The following MRPL35 variants were observed in gnomAD, a reference collection of about 807,000 sequenced individuals.
MRPL35 encodes mitochondrial ribosomal protein L35.
A neutral mutation model predicts 21.6 loss-of-function variants in MRPL35; 18 were observed. The observed-to-expected ratio is 0.83, with a 90% CI of 0.58 to 1.24. The LOEUF is 1.24. MRPL35 is among the 50% of genes most tolerant of loss of function. MRPL35 has a pLI of 0.00. For synonymous variants in MRPL35, 87 were observed against 86.9 expected, an observed-to-expected ratio of 1.00 and a Z score of -0.01; for missense variants, 223 against 223.2, an observed-to-expected ratio of 1.00 and a Z score of 0.01.
Position 86,211,173 on chromosome 2 carries a change from G to C in MRPL35, c.*505G>C, listed in dbSNP as rs1216128421. 9 of 984,574 alleles carry C rather than the reference G, an allele frequency of 9.1e-6. No individual in the cohort carries two copies. The highest frequency in any genetic ancestry group is 1.1e-5 in the Non-Finnish European group (9 of 829,224). 61.0% of individuals were successfully genotyped at this position (984,574 alleles called of 1,614,324 possible). A position where few individuals can be genotyped will look rare whatever the true frequency, so the allele number is the denominator to read the frequency against. On this transcript the variant is annotated 3_prime_UTR_variant, in exon 4 of 4. Transcript: ENST00000337109. ...GCATGCATGTGACTTGCTTCTTTTTGCATTGTTAACTCCATTCTCTCTATT... is the reference window on the plus strand; with the variant it reads ...GCATGCATGTGACTTGCTTCTTTTTCCATTGTTAACTCCATTCTCTCTATT...
chr2:86,203,423 G>T (rs1673731092), intron 1 of MRPL35, among the ~76,000 whole-genome samples: 1 of 152,142 alleles, frequency 6.6e-6, no homozygotes, highest in Non-Finnish European at 1.5e-5. Context: ...CACGTGATCG[G>T]TGGCAGTCAA....
At chr2:86,204,053 C>T (rs1421614941) in intron 1 of MRPL35, among the ~76,000 whole-genome samples, 2 of 151,632 alleles carry the variant, frequency 1.3e-5, no homozygotes, top group African/African-American at 2.4e-5. Flanking sequence ...GTTGCAGTCT[C>T]GGCTCACTGC....
chr2:86,211,861 T>C lies in MRPL35; in HGVS notation c.*1193T>C. On this transcript the variant is annotated 3_prime_UTR_variant, in exon 4 of 4. Transcript: ENST00000337109. ...GATTTCATGTTTTCATTTGTAAGGA[T>C]AAACTTTTCCCACAAATTTTCAACA... 3 of 985,574 alleles carry C rather than the reference T, an allele frequency of 3.0e-6. No individual in the cohort carries two copies. The South Asian group carries it at 1.4e-4, about 46-fold the overall frequency. The allele number at this position is 985,574 out of a possible 1,614,324, so 61.1% of individuals were successfully genotyped here.
intron 2 of MRPL35, 36 bp from the exon 3 acceptor site, chr2:86,207,147 T>G (rs147307303): frequency 6.5e-7 from 1 of 1,538,748 alleles, no homozygotes. Context: ...TTAATCAGTC[T>G]GATTACAAGC....
At chr2:86,204,387 G>A (rs1371673530) in intron 1 of MRPL35, among the ~76,000 whole-genome samples, 2 of 145,526 alleles carry the variant, frequency 1.4e-5, no homozygotes, top group South Asian at 2.2e-4. Flanking sequence ...TTAGCAAGCT[G>A]TACAACCATT....
intron 1 of MRPL35, among the ~76,000 whole-genome samples, chr2:86,203,272 C>T (rs551282281): frequency 3.3e-5 from 5 of 151,842 alleles, no homozygotes; most frequent in South Asian, 4.2e-4. Context: ...TTAGTAGAGA[C>T]GGGGTTTCAC....
Position 86,212,279 on chromosome 2 carries a change from G to C in MRPL35, c.*1611G>C, listed in dbSNP as rs1673919203. On this transcript the variant is annotated 3_prime_UTR_variant, in exon 4 of 4. Coordinates refer to ENST00000337109, the MANE Select transcript of MRPL35 (RefSeq NM_016622.4). ...ATTAAAAGGAGAAAGGATAACAATAGAATGTTCTAAAACCAGAAGTCCAAG... is the reference window on the plus strand; with the variant it reads ...ATTAAAAGGAGAAAGGATAACAATACAATGTTCTAAAACCAGAAGTCCAAG... 1.4e-6 allele frequency: 2 copies of C among 1,468,060 alleles called. No homozygotes were observed. The highest frequency in any genetic ancestry group is 1.8e-6 in the Non-Finnish European group (2 of 1,106,030). 90.9% of individuals were successfully genotyped at this position (1,468,060 alleles called of 1,614,324 possible).
intron 1 of MRPL35, among the ~76,000 whole-genome samples, chr2:86,204,418 C>CTTTTTTTTTTT (rs773735586): frequency 8.9e-6 from 1 of 112,724 alleles, no homozygotes; most frequent in African/African-American, 3.1e-5. Flanking sequence ...AGCTTTAGGA[C>CTTTTTTTTTTT]TTTTTTTTTT....
At chr2:86,200,779 A>C (rs749986146) in intron 1 of MRPL35, among the ~76,000 whole-genome samples, 3 of 151,918 alleles carry the variant, frequency 2.0e-5, no homozygotes, top group Non-Finnish European at 2.9e-5. Context: ...CCCAGGTTTA[A>C]GTGATTCCCT....
chr2:86,202,648 C>A (rs1287156226), intron 1 of MRPL35, among the ~76,000 whole-genome samples: 1 of 152,132 alleles, frequency 6.6e-6, no homozygotes, highest in East Asian at 1.9e-4. Flanking sequence ...GCTCTCTCAT[C>A]AGTTTTCTGC....
rs1673954592 is a variant in MRPL35, at chr2:86,213,495, A to G, written c.*2827A>G. 1.5e-6 allele frequency: 2 copies of G among 1,373,056 alleles called. No homozygotes were observed. Among genetic ancestry groups the G allele is most frequent in the African/African-American group, 3.0e-5 (2 of 66,594 alleles). The allele number at this position is 1,373,056 out of a possible 1,614,324, so 85.1% of individuals were successfully genotyped here. ...GAAATTGGGTCTGTGTTTAATTTTG[A>G]TGTTTCAAATTTTGAGCTTCCAAGT... On this transcript the variant is annotated 3_prime_UTR_variant, in exon 4 of 4. Transcript: ENST00000337109.
At chr2:86,199,755 T>A (rs1405598793) in intron 1 of MRPL35, among the ~76,000 whole-genome samples, 8 of 152,210 alleles carry the variant, frequency 5.3e-5, no homozygotes, top group Non-Finnish European at 1.0e-4. Context: ...GCCGCTTCCT[T>A]ACCAGCTTTT....
intron 3 of MRPL35, among the ~76,000 whole-genome samples, chr2:86,207,599 A>C (rs541757537): frequency 6.6e-6 from 1 of 152,206 alleles, no homozygotes; most frequent in Non-Finnish European, 1.5e-5. Flanking sequence ...GAACCACTGC[A>C]CTCCAGCCTG....
chr2:86,213,055 G>T lies in MRPL35; in HGVS notation c.*2387G>T. On this transcript the variant is annotated 3_prime_UTR_variant, in exon 4 of 4. Coordinates refer to ENST00000337109, the MANE Select transcript of MRPL35 (RefSeq NM_016622.4). Reference sequence around the variant, plus strand: ...ATTTAGATTTGAGGAAACTGAAGCTGAGAGAGGGTTAAGTAAATTACCCAA... The same window carrying T: ...ATTTAGATTTGAGGAAACTGAAGCTTAGAGAGGGTTAAGTAAATTACCCAA... 1.1e-6 allele frequency: 1 copy of T among 933,426 alleles called. No individual in the cohort carries two copies. The highest frequency in any genetic ancestry group is 5.0e-5 in the South Asian group (1 of 20,186). 57.8% of individuals were successfully genotyped at this position (933,426 alleles called of 1,614,324 possible). A position where few individuals can be genotyped will look rare whatever the true frequency, so the allele number is the denominator to read the frequency against.
rs1306262234 is a variant in MRPL35, at chr2:86,213,751, G to T, written c.*3083G>T. 7.0e-6 allele frequency: 10 copies of T among 1,420,518 alleles called. No individual in the cohort carries two copies. In the Admixed American group the frequency reaches 1.9e-4, roughly 27 times the overall value. 88.0% of individuals were successfully genotyped at this position (1,420,518 alleles called of 1,614,324 possible). On this transcript the variant is annotated 3_prime_UTR_variant, in exon 4 of 4. Transcript: ENST00000337109. ...TTTTCACAGCTACCTAGTTTCTGCC[G>T]ATGATTTTTTTAAATGTGAAATAAA...
In MRPL35 at chr2:86,210,776, G is replaced by T; in HGVS notation, c.*108G>T. The T allele has an allele frequency of 7.1e-7, 1 of 1,411,730 alleles. No individual in the cohort carries two copies. Among genetic ancestry groups the T allele is most frequent in the Non-Finnish European group, 9.3e-7 (1 of 1,076,736 alleles). 87.5% of individuals were successfully genotyped at this position (1,411,730 alleles called of 1,614,324 possible). A position where few individuals can be genotyped will look rare whatever the true frequency, so the allele number is the denominator to read the frequency against. On this transcript the variant is annotated 3_prime_UTR_variant, in exon 4 of 4. Coordinates refer to ENST00000337109, the MANE Select transcript of MRPL35 (RefSeq NM_016622.4). ...TGATGTAAATTGTACCAATGAATAC[G>T]TAAACATACAGTGACAACATTAAAC...
At chr2:86,208,356 G>A (rs188466852) in intron 3 of MRPL35, among the ~76,000 whole-genome samples, 31 of 151,530 alleles carry the variant, frequency 2.0e-4, no homozygotes, top group African/African-American at 7.3e-4. Flanking sequence ...GCCCAGGCTA[G>A]AGTGCAGTGG....
rs1045958724 is a variant in MRPL35, at chr2:86,212,274, C to A, written c.*1606C>A. 127 of 1,456,922 alleles carry A rather than the reference C, an allele frequency of 8.7e-5. No individual in the cohort carries two copies. Among genetic ancestry groups the A allele is most frequent in the Non-Finnish European group, 1.1e-4 (123 of 1,100,576 alleles). 90.2% of individuals were successfully genotyped at this position (1,456,922 alleles called of 1,614,324 possible). On this transcript the variant is annotated 3_prime_UTR_variant, in exon 4 of 4. Coordinates refer to ENST00000337109, the MANE Select transcript of MRPL35 (RefSeq NM_016622.4). ...TGTTTATTAAAAGGAGAAAGGATAA[C>A]AATAGAATGTTCTAAAACCAGAAGT...
intron 1 of MRPL35, among the ~76,000 whole-genome samples, chr2:86,201,751 T>C (rs1335767362): frequency 6.6e-6 from 1 of 152,218 alleles, no homozygotes; most frequent in East Asian, 1.9e-4. Flanking sequence ...CAAAATTCTT[T>C]TAGGAAACAT....
Sources: allele counts gnomAD v4.1 joint callset (sites outside exome capture counted in the v4.1 genomes callset), GRCh38; gene constraint gnomAD v4.1.1; transcripts MANE v1.5; gene names NCBI Gene and HGNC (gene_info 2026-07-23, HGNC 2026-07-21).